Variants in GREB1 observed in about 807,000 individuals in gnomAD.
The protein encoded by GREB1 is protein GREB1.
Under a neutral mutation model 200.7 loss-of-function variants are expected in GREB1, and 106 were observed. The observed-to-expected ratio is 0.53, with a 90% CI of 0.45 to 0.62. The LOEUF (loss-of-function observed/expected upper bound fraction) is 0.62, where lower values mean the gene tolerates loss of function less well. Among genes scored for constraint, GREB1 ranks in the 20% least tolerant of loss-of-function variants. The pLI is 0.00. For synonymous variants in GREB1, 1,132 were observed against 1,092.4 expected, an observed-to-expected ratio of 1.04 and a Z score of -0.72; for missense variants, 2,243 against 2,556.8, an observed-to-expected ratio of 0.88 and a Z score of 2.65.
In GREB1 at chr2:11,625,216, C is replaced by T. The variant is rs1684345014; in HGVS notation, c.4210C>T (p.Leu1404=). The change falls in exon 24 of 33, where the codon CTG becomes TTG. Residue 1404 remains leucine (L), a synonymous_variant. Transcript: ENST00000381486. ...QLSDPWPDLE[L]FKKLPFDYII... ...TAGCGACCCCTGGCCAGACCTGGAG[C>T]TGTTCAAGAAGTTGCCCTTTGACTA... is the stretch of plus-strand genomic sequence containing the variant. The T allele has an allele frequency of 5.0e-6, 8 of 1,613,898 alleles. No homozygotes were observed. Among genetic ancestry groups the T allele is most frequent in the Non-Finnish European group, 6.8e-6 (8 of 1,179,740 alleles).
At chr2:11,614,602 C>T (rs146893701) in intron 19 of GREB1, among the ~76,000 whole-genome samples, 2,275 of 151,514 alleles carry the variant, frequency 0.015, 61 homozygotes, top group African/African-American at 0.052. Context: ...CTGGCTCTGT[C>T]GCCCCGGCTG....
At chr2:11,634,420 G>C in intron 29 of GREB1, 71 bp downstream of exon 29, 2 of 1,264,770 alleles carry the variant, frequency 1.6e-6, no homozygotes, top group Non-Finnish European at 2.3e-6. Flanking sequence ...AGGGCAGCCT[G>C]GGGCTGCAGA....
At chr2:11,553,040 G>T (rs190009913) in intron 1 of GREB1, among the ~76,000 whole-genome samples, 3 of 149,160 alleles carry the variant, frequency 2.0e-5, no homozygotes, top group African/African-American at 7.5e-5. Context: ...CCGCAGATTT[G>T]AATACTGTTG....
In GREB1 at chr2:11,604,874, C is replaced by T. The variant is rs80099563; in HGVS notation, c.2666+2332C>T. ...CATGTGTGTGGTCCGACTGTTAGTC[C>T]TCTATGTGCCATAAACGCCAGCATA... On this transcript the variant is annotated intron_variant, in intron 17 of 32. Transcript: ENST00000381486. Among the ~76,000 whole-genome samples the T allele has an allele frequency of 9.4e-3, 1,433 of 152,300 alleles. 13 individuals are homozygous for T. Among genetic ancestry groups the T allele is most frequent in the African/African-American group, 0.032 (1,347 of 41,558 alleles).
chr2:11,571,741 C>T (rs2148000628), intron 4 of GREB1, among the ~76,000 whole-genome samples: 1 of 151,886 alleles, frequency 6.6e-6, no homozygotes, highest in African/African-American at 2.4e-5. Context: ...GACGGAGTCT[C>T]GCTCTGTCTC....
chr2:11,617,820 C>T (rs536210332), intron 21 of GREB1, among the ~76,000 whole-genome samples: 1 of 152,266 alleles, frequency 6.6e-6, no homozygotes, highest in South Asian at 2.1e-4. Context: ...CAGGGCCCAC[C>T]AGGAGACTGG....
chr2:11,592,746 G>A (rs2148184908), intron 10 of GREB1, 30 bp from the exon 11 acceptor site: 1 of 1,402,990 alleles, frequency 7.1e-7, no homozygotes, highest in Non-Finnish European at 9.4e-7. Flanking sequence ...TGGCATTTGT[G>A]GCAGGCCCTC....
At chr2:11,533,262 T>C (rs1674142096), upstream of GREB1, among the ~76,000 whole-genome samples, 1 of 152,164 alleles carries the variant, frequency 6.6e-6, no homozygotes, top group African/African-American at 2.4e-5. Flanking sequence ...TGGAGGAATA[T>C]GTTTATGATC....
intron 3 of GREB1, among the ~76,000 whole-genome samples, chr2:11,565,554 G>A (rs1677544380): frequency 6.6e-6 from 1 of 152,212 alleles, no homozygotes; most frequent in Non-Finnish European, 1.5e-5. Context: ...CCTGGGACAA[G>A]ACCCTGGAAA....
chr2:11,618,895 G>T lies in GREB1; in HGVS notation c.4020G>T (p.Arg1340Ser). 6.5e-7 allele frequency: 1 copy of T among 1,545,508 alleles called. No individual in the cohort carries two copies. ...EGRVDGFHPR[R>S]LLLSGPPQIG... The stretch of plus-strand genomic sequence containing the variant: ...GCGTGGACGGCTTCCACCCCCGCAG[G>T]CTGCTGCTCAGCGGCCCCCCTCAGG... The change falls in exon 22 of 33, where the codon AGG becomes AGT. Residue 1340 changes from arginine to serine, a missense_variant. Physicochemically the swap from Arg to Ser is moderately radical, Grantham distance 110. This residue lies in a region of GREB1 where 587 missense variants were observed against 553.1 expected (regional missense o/e 1.06). Coordinates refer to ENST00000381486, the MANE Select transcript of GREB1 (RefSeq NM_014668.4).
intron 3 of GREB1, among the ~76,000 whole-genome samples, chr2:11,565,275 C>T (rs1201621675): frequency 6.6e-6 from 1 of 152,258 alleles, no homozygotes; most frequent in Non-Finnish European, 1.5e-5. Context: ...GCCTGCCTCA[C>T]TGGTGCCTGG....
chr2:11,612,282 G>A (rs1683006652), intron 18 of GREB1: 1 of 1,272,750 alleles, frequency 7.9e-7, no homozygotes, highest in Non-Finnish European at 1.0e-6. Context: ...TCTTGGACAT[G>A]CTCTGGCTGG....
At position 11,608,050 on chromosome 2, in the gene GREB1, A is replaced by G. The variant is rs529918209; in HGVS notation, c.2667-2638A>G. On this transcript the variant is annotated intron_variant, in intron 17 of 32. Transcript: ENST00000381486. Reference sequence around the variant, plus strand: ...CACGGTCTCTAGATTCCAGAGGGGGACTTATTCTTTCTTATTGTTTGAAAA... The same window carrying G: ...CACGGTCTCTAGATTCCAGAGGGGGGCTTATTCTTTCTTATTGTTTGAAAA... Among the ~76,000 whole-genome samples the G allele has an allele frequency of 1.2e-4, 18 of 152,018 alleles. No homozygotes were observed. In the South Asian group the frequency reaches 1.2e-3, roughly 11 times the overall value.
chr2:11,601,509 A>G (rs1268690163), intron 16 of GREB1, among the ~76,000 whole-genome samples: 6 of 152,220 alleles, frequency 3.9e-5, no homozygotes, highest in Admixed American at 3.9e-4. Context: ...AAAATAGAAG[A>G]CTAAAACAAT....
chr2:11,562,750 G>C, intron 3 of GREB1, 168 bp downstream of exon 3: 1 of 644,318 alleles, frequency 1.6e-6, no homozygotes, highest in Non-Finnish European at 2.5e-6. Flanking sequence ...GCAGGTGCTG[G>C]CCCGGCCTGC....
At position 11,636,743 on chromosome 2, in the gene GREB1, TGGGCATGGGCAGGGGCAA is replaced by T. The variant is rs775083611; in HGVS notation, c.5347-967_5347-950del. 1.6e-4 allele frequency among the ~76,000 whole-genome samples: 10 copies of T among 62,124 alleles called. No individual in the cohort carries two copies. The East Asian group carries it at 5.2e-3, about 32-fold the overall frequency. 40.8% of individuals were successfully genotyped at this position (62,124 alleles called of 152,430 possible). ...AGGGGCAAGGGCAGGGGTAAGGGCATGGGCATGGGCAGGGGCAAGGGCAGGGGCAGGGGCAGGGGCACG... is the reference window on the plus strand; with the variant it reads ...AGGGGCAAGGGCAGGGGTAAGGGCATGGGCAGGGGCAGGGGCAGGGGCACG... On this transcript the variant is annotated intron_variant, in intron 30 of 32. Transcript: ENST00000381486.
chr2:11,541,078 G>T (rs1174192703), intron 1 of GREB1, among the ~76,000 whole-genome samples: 1 of 152,184 alleles, frequency 6.6e-6, no homozygotes, highest in East Asian at 1.9e-4. Context: ...TGGAATTTGG[G>T]GTGTTCTAGT....
chr2:11,531,284 A>G (rs1161022212), upstream of GREB1, among the ~76,000 whole-genome samples: 1 of 152,190 alleles, frequency 6.6e-6, no homozygotes, highest in East Asian at 1.9e-4. Flanking sequence ...AGTTCAGACC[A>G]CTAATTGTAT....
chr2:11,585,990 G>T, intron 9 of GREB1, 85 bp downstream of exon 9: 1 of 1,395,074 alleles, frequency 7.2e-7, no homozygotes, highest in Non-Finnish European at 1.0e-6. Flanking sequence ...ACCTCATCCC[G>T]GTCTGACTCC....
Sources: gnomAD v4.1 joint callset for allele counts (sites outside exome capture counted in the v4.1 genomes callset) on GRCh38, gnomAD v4.1.1 for gene constraint, gnomAD v4.1.1 regional missense constraint, MANE v1.5 for transcripts, NCBI Gene and HGNC (gene_info 2026-07-23, HGNC 2026-07-21) for gene names.